ANKHD1: variants seen among roughly 807,000 people sequenced by gnomAD.
The protein encoded by ANKHD1 is ankyrin repeat and KH domain-containing protein 1.
Under a neutral mutation model 230.5 loss-of-function variants are expected in ANKHD1, and 31 were observed. That is an observed-to-expected ratio of 0.13 (90% CI 0.10 to 0.18). The LOEUF is 0.18. Among genes scored for constraint, ANKHD1 ranks in the 10% least tolerant of loss-of-function variants. ANKHD1 has a pLI of 1.00. For synonymous variants in ANKHD1, 1,074 were observed against 1,117.6 expected, an observed-to-expected ratio of 0.96 and a Z score of 0.78; for missense variants, 2,256 against 3,071.3, an observed-to-expected ratio of 0.73 and a Z score of 6.27.
chr5:140,439,559 A>G (rs753699749), intron 3 of ANKHD1, among the ~76,000 whole-genome samples: 2 of 152,152 alleles, frequency 1.3e-5, no homozygotes, highest in Non-Finnish European at 2.9e-5. Flanking sequence ...AATCCCAGCT[A>G]CTTGAGAGGC....
At chr5:140,412,009 C>G (rs1770972008) in intron 1 of ANKHD1, among the ~76,000 whole-genome samples, 1 of 151,868 alleles carries the variant, frequency 6.6e-6, no homozygotes, top group Admixed American at 6.6e-5. Context: ...CAGGCGCACA[C>G]CACCGTACCC....
chr5:140,538,608 T>C (rs1441748454), intron 32 of ANKHD1, among the ~76,000 whole-genome samples: 1 of 152,222 alleles, frequency 6.6e-6, no homozygotes, highest in Non-Finnish European at 1.5e-5. Context: ...GTTCCCATTT[T>C]CTTCTTAGCT....
intron 1 of ANKHD1, among the ~76,000 whole-genome samples, chr5:140,434,526 A>T (rs537545926): frequency 1.3e-5 from 2 of 151,224 alleles, no homozygotes; most frequent in Non-Finnish European, 2.9e-5. Context: ...TAAATAATAT[A>T]CATACTACAT....
intron 24 of ANKHD1, among the ~76,000 whole-genome samples, chr5:140,514,003 G>A (rs1752874346): frequency 6.6e-6 from 1 of 151,180 alleles, no homozygotes; most frequent in Non-Finnish European, 1.5e-5. Context: ...GTGACAGAGT[G>A]AGACCCCATC....
At chr5:140,497,696 A>G (rs1237025988) in intron 15 of ANKHD1, among the ~76,000 whole-genome samples, 1 of 152,186 alleles carries the variant, frequency 6.6e-6, no homozygotes, top group African/African-American at 2.4e-5. Context: ...TTTAATTTGT[A>G]ATTTTATTAG....
At chr5:140,452,213 A>C (rs1360944320) in intron 7 of ANKHD1, among the ~76,000 whole-genome samples, 1 of 152,194 alleles carries the variant, frequency 6.6e-6, no homozygotes, top group East Asian at 1.9e-4. Context: ...AGGTAAACAA[A>C]GCGGCTAGGA....
rs115510319 is a variant in ANKHD1 at position 140,537,606 on chromosome 5, C to G, written c.7228+17C>G. ...CTGTGTCAGGTACAATTGCCTTGCT[C>G]TCTCTCTGGAGGGATATCTTAAGTA... On this transcript the variant is annotated intron_variant, in intron 31 of 33. Transcript: ENST00000360839. 2 of 1,542,052 alleles carry G rather than the reference C, an allele frequency of 1.3e-6. No individual in the cohort carries two copies. The highest frequency in any genetic ancestry group is 1.4e-5 in the African/African-American group (1 of 73,098).
intron 33 of ANKHD1, 58 bp downstream of exon 33, chr5:140,539,141 T>C: frequency 6.5e-7 from 1 of 1,549,584 alleles, no homozygotes; most frequent in Non-Finnish European, 8.7e-7. Flanking sequence ...TCTTTTTGTT[T>C]TGTGAGAAGT....
chr5:140,508,811 T>C (rs746129747), intron 20 of ANKHD1, among the ~76,000 whole-genome samples: 3 of 134,012 alleles, frequency 2.2e-5, no homozygotes, highest in Non-Finnish European at 4.6e-5. Flanking sequence ...TAAGATAATC[T>C]CCATAGATGC....
chr5:140,459,166 G>A lies in ANKHD1; in HGVS notation c.1483G>A (p.Ala495Thr), dbSNP rs1267441738. The A allele has an allele frequency of 2.5e-6, 4 of 1,579,400 alleles. No individual in the cohort carries two copies. Among genetic ancestry groups the A allele is most frequent in the Admixed American group, 1.8e-5 (1 of 56,798 alleles). ...EMVALLLAQG[A>T]NINAQTEETQ... ...TATCTGTTTTTATACTTTCCTAGGA[G>A]CAAATATAAATGCCCAGACAGAAGA... Residue 495 changes from alanine to threonine, a missense_variant and splice_region_variant, in exon 9 of 34, where the codon GCA becomes ACA. By Grantham distance (58) the Ala-to-Thr change is moderately conservative. Around this residue, in one of 13 missense-constraint regions of ANKHD1, gnomAD observed 179 missense variants for 261.8 expected, o/e 0.68. Transcript: ENST00000360839.
intron 5 of ANKHD1, 133 bp from the exon 6 acceptor site, chr5:140,445,609 C>T: frequency 1.1e-6 from 1 of 869,844 alleles, no homozygotes; most frequent in Non-Finnish European, 1.5e-6. Flanking sequence ...AAGAGGTATA[C>T]CTAGAGCATT....
chr5:140,408,718 G>A (rs1466698283), intron 1 of ANKHD1, among the ~76,000 whole-genome samples: 2 of 151,910 alleles, frequency 1.3e-5, no homozygotes, highest in Non-Finnish European at 2.9e-5. Flanking sequence ...TGTGTTTTGA[G>A]AGATGGGGGT....
chr5:140,464,510 A>G (rs1775951444), intron 9 of ANKHD1, among the ~76,000 whole-genome samples, 157 bp from the exon 10 acceptor site: 1 of 152,194 alleles, frequency 6.6e-6, no homozygotes, highest in Non-Finnish European at 1.5e-5. Context: ...GACTCAAATT[A>G]TTTTTATAAA....
intron 10 of ANKHD1, among the ~76,000 whole-genome samples, chr5:140,473,318 G>T (rs983652901): frequency 2.0e-5 from 3 of 152,060 alleles, no homozygotes; most frequent in Non-Finnish European, 4.4e-5. Context: ...GTGAGTCACC[G>T]TGCCTGGCCT....
chr5:140,428,420 G>C (rs926018591), intron 1 of ANKHD1, among the ~76,000 whole-genome samples: 1 of 152,260 alleles, frequency 6.6e-6, no homozygotes, highest in Non-Finnish European at 1.5e-5. Context: ...GATCACTCGC[G>C]GTTAGGAGCT....
At chr5:140,450,175 T>G (rs551737723) in intron 7 of ANKHD1, among the ~76,000 whole-genome samples, 2 of 152,248 alleles carry the variant, frequency 1.3e-5, no homozygotes, top group Non-Finnish European at 2.9e-5. Context: ...ACGCATTTTT[T>G]CAGATGTGAT....
intron 22 of ANKHD1, among the ~76,000 whole-genome samples, chr5:140,511,272 T>A (rs866122484): frequency 1.3e-5 from 2 of 152,192 alleles, no homozygotes; most frequent in Admixed American, 1.3e-4. Context: ...CATGTCAACC[T>A]CCCCATACAA....
At chr5:140,427,425 A>C (rs1581229921) in intron 1 of ANKHD1, among the ~76,000 whole-genome samples, 1 of 92,856 alleles carries the variant, frequency 1.1e-5, no homozygotes, top group Admixed American at 1.3e-4. Context: ...CGGGGGGCTG[A>C]CCCCCCAACC....
chr5:140,454,775 T>G (rs1428829542), intron 7 of ANKHD1, among the ~76,000 whole-genome samples: 1 of 152,024 alleles, frequency 6.6e-6, no homozygotes, highest in African/African-American at 2.4e-5. Flanking sequence ...GATCTAAAAT[T>G]GACACCCTAA....
Sources: allele counts gnomAD v4.1 joint callset (sites outside exome capture counted in the v4.1 genomes callset), GRCh38; gene constraint gnomAD v4.1.1; regional missense constraint gnomAD v4.1.1; transcripts MANE v1.5; gene names NCBI Gene and HGNC (gene_info 2026-07-23, HGNC 2026-07-21).